Variants in PDE7A observed in about 807,000 individuals in gnomAD.
The protein encoded by PDE7A is phosphodiesterase 7A.
A neutral mutation model predicts 64.3 loss-of-function variants in PDE7A; 39 were observed. The ratio of observed to expected loss-of-function variants is 0.61; its 90% CI spans 0.47 to 0.79. PDE7A has a LOEUF of 0.79. Ranked by LOEUF, PDE7A falls within the 30% of genes least tolerant of loss-of-function variation. The probability of loss-of-function intolerance (pLI) is 0.00; values close to 1 mark genes in which losing one functional copy is unlikely to be tolerated. For missense variants in PDE7A, 470 were observed against 582.8 expected (o/e 0.81, Z 1.99); for synonymous variants, 203 against 206.8 (o/e 0.98, Z 0.16).
chr8:65,746,481 ATTAACT>A (rs1427857876), intron 4 of PDE7A, among the ~76,000 whole-genome samples: 1 of 152,306 alleles, frequency 6.6e-6, no homozygotes, highest in African/African-American at 2.4e-5. Context: ...AATTTACTAC[ATTAACT>A]TTTAGGATAA....
intron 2 of PDE7A, among the ~76,000 whole-genome samples, chr8:65,781,191 G>T (rs1050012333): frequency 6.6e-6 from 1 of 152,170 alleles, no homozygotes; most frequent in Admixed American, 6.5e-5. Flanking sequence ...TGAAAAGGAG[G>T]CATCTGGGCA....
chr8:65,745,814 A>G (rs963982107), intron 4 of PDE7A, among the ~76,000 whole-genome samples: 1 of 152,258 alleles, frequency 6.6e-6, no homozygotes, highest in Non-Finnish European at 1.5e-5. Context: ...TTAGAAACTA[A>G]ATTGCAAACA....
chr8:65,730,159 G>T (rs1430144197), intron 7 of PDE7A, among the ~76,000 whole-genome samples: 1 of 136,226 alleles, frequency 7.3e-6, no homozygotes, highest in East Asian at 2.2e-4. Context: ...GAGGGATCCA[G>T]GTTGCGCACT....
At chr8:65,775,507 C>T (rs1809234231) in intron 3 of PDE7A, among the ~76,000 whole-genome samples, 1 of 152,204 alleles carries the variant, frequency 6.6e-6, no homozygotes, top group Admixed American at 6.5e-5. Flanking sequence ...ACCTCTTTGA[C>T]CCAAGAAGTA....
At chr8:65,805,312 T>C (rs74885149) in intron 1 of PDE7A, among the ~76,000 whole-genome samples, 8,693 of 152,314 alleles carry the variant, frequency 0.057, 357 homozygotes, top group Middle Eastern at 0.11. Flanking sequence ...TTCAAGTACA[T>C]TTGATTTTAA....
intron 2 of PDE7A, among the ~76,000 whole-genome samples, chr8:65,781,646 T>A (rs1809423036): frequency 1.3e-5 from 2 of 152,190 alleles, no homozygotes; most frequent in South Asian, 4.1e-4. Flanking sequence ...CTGAGGTTTC[T>A]GACCTGATGA....
At chr8:65,806,810 T>C (rs1183534065) in intron 1 of PDE7A, among the ~76,000 whole-genome samples, 2 of 152,226 alleles carry the variant, frequency 1.3e-5, no homozygotes, top group East Asian at 1.9e-4. Context: ...TCTTTCCCCA[T>C]TGGATGGCCT....
intron 3 of PDE7A, among the ~76,000 whole-genome samples, chr8:65,749,963 C>G: frequency 6.6e-6 from 1 of 152,156 alleles, no homozygotes; most frequent in East Asian, 1.9e-4. Context: ...AAGTATATAA[C>G]GGACTCTTCT....
At position 65,716,159 on chromosome 8, in the gene PDE7A, A is replaced by C. The variant is rs189500560; in HGVS notation, c.*3131T>G. On this transcript the variant is annotated 3_prime_UTR_variant, in exon 13 of 13. Coordinates refer to ENST00000401827, the MANE Select transcript of PDE7A (RefSeq NM_001242318.3). ...GCGAGACCCTGTCTCAAAAAAAAAA[A>C]AAAACAAAAGGGCTATAGAAGGTGA... Among the ~76,000 whole-genome samples the C allele has an allele frequency of 1.3e-5, 2 of 151,534 alleles. No homozygotes were observed. Among genetic ancestry groups the C allele is most frequent in the South Asian group, 2.1e-4 (1 of 4,804 alleles).
At chr8:65,777,560 T>C (rs1056413563) in intron 3 of PDE7A, among the ~76,000 whole-genome samples, 4 of 152,242 alleles carry the variant, frequency 2.6e-5, no homozygotes, top group Admixed American at 2.6e-4. Flanking sequence ...TGGCTGTTAT[T>C]TTTTGTTCTT....
At chr8:65,768,634 T>C (rs531289440) in intron 3 of PDE7A, among the ~76,000 whole-genome samples, 1 of 152,288 alleles carries the variant, frequency 6.6e-6, no homozygotes, top group East Asian at 1.9e-4. Context: ...AAATTCTTAC[T>C]GATACTTGTA....
intron 3 of PDE7A, among the ~76,000 whole-genome samples, chr8:65,755,518 CGTA>C (rs1473718363): frequency 1.3e-5 from 2 of 152,174 alleles, no homozygotes; most frequent in African/African-American, 4.8e-5. Context: ...AAACACTGCT[CGTA>C]TGCATCTCCA....
In PDE7A at chr8:65,841,995, G is replaced by GA; in HGVS notation, c.-488dup. 4.4e-6 allele frequency: 1 copy of GA among 229,150 alleles called. No individual in the cohort carries two copies. Among genetic ancestry groups the GA allele is most frequent in the Admixed American group, 6.0e-5 (1 of 16,750 alleles). 14.2% of individuals were successfully genotyped at this position (229,150 alleles called of 1,614,324 possible). On this transcript the variant is annotated 5_prime_UTR_variant, in exon 1 of 13. Transcript: ENST00000401827. ...GCCGCCGCCGCCGCCGCCGCCGCCG[G>GA]AGTCCTGCTCCTCCCCTCCCCCGGA... is the stretch of plus-strand genomic sequence containing the variant.
intron 1 of PDE7A, among the ~76,000 whole-genome samples, chr8:65,796,411 A>G (rs1405664556): frequency 6.6e-6 from 1 of 152,148 alleles, no homozygotes; most frequent in Non-Finnish European, 1.5e-5. Context: ...AAATAAAACC[A>G]TAGACTAATA....
intron 1 of PDE7A, among the ~76,000 whole-genome samples, chr8:65,831,677 C>T (rs927100659): frequency 2.0e-5 from 3 of 151,818 alleles, no homozygotes; most frequent in African/African-American, 4.8e-5. Context: ...CACAGAATCA[C>T]GAAGGTGGAA....
chr8:65,750,578 C>T (rs548763746), intron 3 of PDE7A, among the ~76,000 whole-genome samples: 3 of 150,994 alleles, frequency 2.0e-5, no homozygotes, highest in South Asian at 2.1e-4. Context: ...GCATAAGGTC[C>T]AAAACATGAA....
At chr8:65,729,345 T>C (rs983494891) in intron 7 of PDE7A, among the ~76,000 whole-genome samples, 1 of 146,718 alleles carries the variant, frequency 6.8e-6, no homozygotes, top group African/African-American at 2.5e-5. Context: ...GTTATCACAG[T>C]GAGTTTCGTT....
At chr8:65,738,235 G>A (rs918849092) in intron 6 of PDE7A, among the ~76,000 whole-genome samples, 2 of 151,704 alleles carry the variant, frequency 1.3e-5, no homozygotes, top group South Asian at 2.1e-4. Context: ...TCATTAAGTT[G>A]TAATCTTTTT....
At chr8:65,840,924 C>CGGGGCGCGCG (rs1811066184) in intron 1 of PDE7A, among the ~76,000 whole-genome samples, 1 of 152,212 alleles carries the variant, frequency 6.6e-6, no homozygotes, top group African/African-American at 2.4e-5. Flanking sequence ...GCGAGCGCCG[C>CGGGGCGCGCG]GGGGCGCGCG....
Sources: gnomAD v4.1 joint callset for allele counts (sites outside exome capture counted in the v4.1 genomes callset) on GRCh38, gnomAD v4.1.1 for gene constraint, MANE v1.5 for transcripts, NCBI Gene and HGNC (gene_info 2026-07-23, HGNC 2026-07-21) for gene names.